PFKFB2: variants seen among roughly 807,000 people sequenced by gnomAD.
PFKFB2 encodes the protein 6-phosphofructo-2-kinase/fructose-2,6-biphosphatase 2, also known as 6-phosphofructo-2-kinase/fructose-2,6-bisphosphatase 2.
PFKFB2 carries 53 observed loss-of-function variants against 68.0 expected under a neutral mutation model. That is an observed-to-expected ratio of 0.78 (90% confidence interval 0.63 to 0.98). The LOEUF (loss-of-function observed/expected upper bound fraction) is 0.98, where lower values mean the gene tolerates loss of function less well. Among genes scored for constraint, PFKFB2 ranks in the 50% least tolerant of loss-of-function variants. PFKFB2 has a pLI of 0.00. For missense variants in PFKFB2, 451 were observed against 642.0 expected (o/e 0.70, Z 3.22); for synonymous variants, 222 against 227.6 (o/e 0.98, Z 0.22).
In PFKFB2 at chr1:207,068,254, C is replaced by T; in HGVS notation, c.932C>T (p.Ala311Val). The T allele has an allele frequency of 1.2e-6, 2 of 1,611,094 alleles. No individual in the cohort carries two copies. Among genetic ancestry groups the T allele is most frequent in the Non-Finnish European group, 1.7e-6 (2 of 1,178,420 alleles). Residue 311 changes from alanine to valine, a missense_variant, in exon 10 of 15, where the codon GCT becomes GTT. Transcript: ENST00000367080. Reference sequence around the variant, plus strand: ...CAGTTGAAGAGGACCATACAGACTGCTGAATCTCTCGGGGTGCCCTATGAG... The same window carrying T: ...CAGTTGAAGAGGACCATACAGACTGTTGAATCTCTCGGGGTGCCCTATGAG... ...TSQLKRTIQT[A>V]ESLGVPYEQW...
intron 1 of PFKFB2, among the ~76,000 whole-genome samples, chr1:207,054,145 G>A (rs911455167): frequency 6.6e-6 from 1 of 151,556 alleles, no homozygotes. Flanking sequence ...CTCTTGATCC[G>A]CCCGCCTCAG....
intron 2 of PFKFB2, among the ~76,000 whole-genome samples, chr1:207,060,685 G>T (rs889129126): frequency 2.6e-5 from 4 of 152,182 alleles, no homozygotes; most frequent in Non-Finnish European, 5.9e-5. Flanking sequence ...TATTATAGGA[G>T]CCAGCTCAGT....
chr1:207,052,291 G>C (rs1435921221), upstream of PFKFB2: 7 of 1,477,452 alleles, frequency 4.7e-6, no homozygotes, highest in Non-Finnish European at 6.6e-6. Context: ...TTCCTCCTTG[G>C]TTCTTCAAGA....
At chr1:207,078,905 G>A, downstream of PFKFB2, 1 of 1,489,454 alleles carries the variant, frequency 6.7e-7, no homozygotes, top group Non-Finnish European at 9.3e-7. Flanking sequence ...TATGTTCGCT[G>A]CTTGGCAGTG....
At chr1:207,060,134 G>A (rs534871971) in intron 2 of PFKFB2, among the ~76,000 whole-genome samples, 4 of 152,180 alleles carry the variant, frequency 2.6e-5, no homozygotes, top group Non-Finnish European at 4.4e-5. Context: ...AGCAAGATGG[G>A]CCGGGAGGAG....
chr1:207,053,595 C>A (rs1031563886), intron 1 of PFKFB2, among the ~76,000 whole-genome samples: 2 of 152,168 alleles, frequency 1.3e-5, no homozygotes. Context: ...CTCACCAGCC[C>A]CCTGTTGTCT....
chr1:207,058,165 C>T (rs1473848486), intron 2 of PFKFB2, among the ~76,000 whole-genome samples: 3 of 152,178 alleles, frequency 2.0e-5, no homozygotes, highest in South Asian at 2.1e-4. Flanking sequence ...CGTAGTTATA[C>T]GAACTTGGTT....
At position 207,074,479 on chromosome 1, in the gene PFKFB2, C is replaced by T. The variant is rs1683565776; in HGVS notation, c.*2108C>T. On this transcript the variant is annotated 3_prime_UTR_variant, in exon 15 of 15. Coordinates refer to ENST00000367080, the MANE Select transcript of PFKFB2 (RefSeq NM_006212.2). ...AGCACCCTGGAGAGAGGTGCAGACC[C>T]TGCCAGGATGATAAAGGTTGTCATC... 3.0e-6 allele frequency: 3 copies of T among 985,298 alleles called. No individual in the cohort carries two copies. Among genetic ancestry groups the T allele is most frequent in the African/African-American group, 1.7e-5 (1 of 57,238 alleles). 61.0% of individuals were successfully genotyped at this position (985,298 alleles called of 1,614,324 possible).
chr1:207,079,075 T>G, downstream of PFKFB2: 2 of 1,448,826 alleles, frequency 1.4e-6, no homozygotes, highest in Non-Finnish European at 1.9e-6. Context: ...CTGAAAAGCT[T>G]GGGATGTCAG....
chr1:207,077,047 T>C lies in PFKFB2; in HGVS notation c.*4676T>C, dbSNP rs904580667. ...CAAATTCTCATTATTTTGTACAAGA[T>C]AAAGGTTATGCATCACTTTTATGGT... On this transcript the variant is annotated 3_prime_UTR_variant, in exon 15 of 15. Transcript: ENST00000367080. 3.0e-6 allele frequency: 3 copies of C among 984,706 alleles called. No individual in the cohort carries two copies. The highest frequency in any genetic ancestry group is 3.6e-6 in the Non-Finnish European group (3 of 829,320). The allele number at this position is 984,706 out of a possible 1,614,324, so 61.0% of individuals were successfully genotyped here.
Position 207,076,340 on chromosome 1 carries a change from C to T in PFKFB2, c.*3969C>T. On this transcript the variant is annotated 3_prime_UTR_variant, in exon 15 of 15. Transcript: ENST00000367080. The stretch of plus-strand genomic sequence containing the variant: ...GGCCAATGGGCACGGGAAAAAGTAT[C>T]CAGTAATCAGAAGAATTGTATCTGG... The T allele has an allele frequency of 1.0e-6, 1 of 984,028 alleles. No individual in the cohort carries two copies. The highest frequency in any genetic ancestry group is 1.8e-5 in the African/African-American group (1 of 56,834). The allele number at this position is 984,028 out of a possible 1,614,324, so 61.0% of individuals were successfully genotyped here.
intron 2 of PFKFB2, among the ~76,000 whole-genome samples, chr1:207,055,275 C>A (rs1275958407): frequency 2.0e-5 from 3 of 152,154 alleles, no homozygotes; most frequent in Non-Finnish European, 4.4e-5. Flanking sequence ...GGGAATGAGC[C>A]CTGACACTTG....
rs745331127 is a variant in PFKFB2, at chr1:207,072,284, G to A, written c.1431G>A (p.Arg477=). The change falls in exon 15 of 15, where the codon AGG becomes AGA. Residue 477 remains arginine (R), a synonymous_variant. Coordinates refer to ENST00000367080, the MANE Select transcript of PFKFB2 (RefSeq NM_006212.2). ...CTCTGTCCAGTTCGAATACAATAAG[G>A]CGTCCAAGAAATTACAGTGTTGGGA... ...FTPLSSSNTI[R]RPRNYSVGSR... 1.9e-6 allele frequency: 3 copies of A among 1,614,138 alleles called. No individual in the cohort carries two copies. The highest frequency in any genetic ancestry group is 1.7e-6 in the Non-Finnish European group (2 of 1,180,024).
chr1:207,046,291 T>A (rs1682600094), intron 2 of PFKFB2: 1 of 152,046 alleles, frequency 6.6e-6, no homozygotes. Context: ...CTCCTGAAAG[T>A]TGTAAGTCCA....
At chr1:207,048,579 A>G (rs968098396), upstream of PFKFB2, 1 of 159,442 alleles carries the variant, frequency 6.3e-6, no homozygotes, top group African/African-American at 2.4e-5. Context: ...CCAAAATGTG[A>G]TGCTTTCTTC....
chr1:207,045,288 A>C (rs928920347), intron 2 of PFKFB2: 6 of 152,508 alleles, frequency 3.9e-5, no homozygotes. Flanking sequence ...TCACATAATA[A>C]TAAGTAACAT....
intron 1 of PFKFB2, among the ~76,000 whole-genome samples, chr1:207,035,935 G>A (rs879142562): frequency 3.3e-5 from 5 of 151,996 alleles, no homozygotes; most frequent in Admixed American, 2.0e-4. Context: ...CAATAGACAG[G>A]GCCATGGAAC....
chr1:207,049,398 T>C, upstream of PFKFB2: 1 of 1,614,170 alleles, frequency 6.2e-7, no homozygotes, highest in South Asian at 1.1e-5. Flanking sequence ...TCGATATCTC[T>C]ATTGCTCCTC....
chr1:207,068,114 G>GTGTC, intron 9 of PFKFB2, 49 bp from the exon 10 acceptor site: 1 of 1,504,672 alleles, frequency 6.6e-7, no homozygotes, highest in South Asian at 1.2e-5. Context: ...GTGTGTGTGT[G>GTGTC]TGTCTGTGTG....
Sources: allele counts gnomAD v4.1 joint callset (sites outside exome capture counted in the v4.1 genomes callset), GRCh38; gene constraint gnomAD v4.1.1; transcripts MANE v1.5; gene names NCBI Gene and HGNC (gene_info 2026-07-23, HGNC 2026-07-21).